C11orf65: variants seen among roughly 807,000 people sequenced by gnomAD.
C11orf65 encodes protein MFI.
Under a neutral mutation model 35.3 loss-of-function variants are expected in C11orf65, and 38 were observed. The ratio of observed to expected loss-of-function variants is 1.08; its 90% CI spans 0.83 to 1.41. The LOEUF (loss-of-function observed/expected upper bound fraction) is 1.41. Ranked by LOEUF, C11orf65 falls within the 40% of genes most tolerant of loss-of-function variation. C11orf65 has a pLI of 0.00. For missense variants in C11orf65, 370 were observed against 367.1 expected, an observed-to-expected ratio of 1.01 and a Z score of -0.06; for synonymous variants, 105 against 114.4, an observed-to-expected ratio of 0.92 and a Z score of 0.53.
At chr11:108,308,874 C>T in exon 7 of C11orf65, 2 of 693,898 alleles carry the variant, frequency 2.9e-6, no homozygotes, top group South Asian at 1.7e-5. Flanking sequence ...ACCAGATTAT[C>T]TTCTGAGGAG....
chr11:108,407,061 T>G, intron 4 of C11orf65, 35 bp downstream of exon 4: 3 of 1,590,234 alleles, frequency 1.9e-6, no homozygotes, highest in Non-Finnish European at 1.7e-6. Context: ...AAAATGTGCT[T>G]TATAACTACT....
intron 2 of C11orf65, among the ~76,000 whole-genome samples, chr11:108,356,371 A>G (rs1186261188): frequency 6.6e-6 from 1 of 152,044 alleles, no homozygotes; most frequent in Non-Finnish European, 1.5e-5. Context: ...CCCCGTCTCT[A>G]ATAAAAATGC....
rs369302836 is a variant in C11orf65 at position 108,433,299 on chromosome 11, C to T, written c.82-1461G>A. On this transcript the variant is annotated intron_variant, in intron 2 of 8. Transcript: ENST00000393084. ...GATATATATAGATATATATATATGC[C>T]GGGCTCAGTGGCTCACGCCTATAAT... Among the ~76,000 whole-genome samples the T allele has an allele frequency of 4.6e-4, 69 of 149,668 alleles. 2 individuals are homozygous for T. In the East Asian group the frequency reaches 0.012, roughly 26 times the overall value.
At chr11:108,377,367 C>T (rs1363179520) in intron 2 of C11orf65, among the ~76,000 whole-genome samples, 1 of 152,070 alleles carries the variant, frequency 6.6e-6, no homozygotes, top group Non-Finnish European at 1.5e-5. Flanking sequence ...TAAACAGAAC[C>T]AAAGACAAAA....
chr11:108,347,436 C>A, intron 2 of C11orf65: 2 of 1,241,116 alleles, frequency 1.6e-6, no homozygotes, highest in Non-Finnish European at 2.3e-6. Context: ...TGTTTGCCTA[C>A]CAAGATATTA....
At chr11:108,433,610 A>AAAACAAAAC (rs1298143449) in intron 2 of C11orf65, among the ~76,000 whole-genome samples, 1 of 151,936 alleles carries the variant, frequency 6.6e-6, no homozygotes, top group Non-Finnish European at 1.5e-5. Context: ...AAAACAAAAC[A>AAAACAAAAC]AAAAAAGTAC....
At chr11:108,331,602 A>G (rs756966067) in intron 3 of C11orf65, 4 of 1,480,056 alleles carry the variant, frequency 2.7e-6, no homozygotes, top group Middle Eastern at 2.4e-4. Flanking sequence ...TTTTTATTCT[A>G]TTATTACTAT....
At chr11:108,445,420 G>A (rs192871199) in intron 2 of C11orf65, among the ~76,000 whole-genome samples, 106 of 152,192 alleles carry the variant, frequency 7.0e-4, no homozygotes, top group African/African-American at 2.5e-3. Flanking sequence ...CCAGAGGAAC[G>A]ATCAGGCAGC....
At chr11:108,349,856 C>A (rs895048900) in intron 2 of C11orf65, among the ~76,000 whole-genome samples, 1 of 152,054 alleles carries the variant, frequency 6.6e-6, no homozygotes, top group African/African-American at 2.4e-5. Context: ...TCATAAAGTA[C>A]GTGAGTCTGA....
chr11:108,422,193 G>C (rs2092828612), intron 3 of C11orf65, among the ~76,000 whole-genome samples: 1 of 152,160 alleles, frequency 6.6e-6, no homozygotes. Context: ...CTCCCAAAGT[G>C]CTGGGATTAC....
At chr11:108,453,731 G>A (rs2093379991) in intron 2 of C11orf65, among the ~76,000 whole-genome samples, 1 of 152,124 alleles carries the variant, frequency 6.6e-6, no homozygotes, top group South Asian at 2.1e-4. Context: ...ATTTGTATAT[G>A]TTGAACCACC....
intron 3 of C11orf65, among the ~76,000 whole-genome samples, chr11:108,413,800 A>G (rs1263607367): frequency 1.3e-5 from 2 of 152,178 alleles, no homozygotes; most frequent in African/African-American, 4.8e-5. Flanking sequence ...AAATTAAATA[A>G]CACACTTCTA....
chr11:108,450,602 C>T (rs2093333561), intron 2 of C11orf65, among the ~76,000 whole-genome samples: 1 of 119,998 alleles, frequency 8.3e-6, no homozygotes, highest in Non-Finnish European at 1.6e-5. Flanking sequence ...GGAAGGGGAA[C>T]ATCACACTCC....
At chr11:108,462,801 A>C (rs1184184344) in intron 1 of C11orf65, among the ~76,000 whole-genome samples, 1 of 152,246 alleles carries the variant, frequency 6.6e-6, no homozygotes, top group Non-Finnish European at 1.5e-5. Flanking sequence ...ATCATAATCC[A>C]AAGTGAACAA....
At chr11:108,323,816 T>G (rs1385069839) in intron 6 of C11orf65, among the ~76,000 whole-genome samples, 6 of 152,132 alleles carry the variant, frequency 3.9e-5, no homozygotes, top group Admixed American at 3.9e-4. Context: ...ATGCTTATGC[T>G]CTCAGATTAC....
intron 6 of C11orf65, among the ~76,000 whole-genome samples, chr11:108,313,264 T>A (rs1196566182): frequency 6.6e-6 from 1 of 152,216 alleles, no homozygotes; most frequent in African/African-American, 2.4e-5. Context: ...CTGAACATTT[T>A]AAAACCTCTC....
intron 6 of C11orf65, chr11:108,319,836 A>G: frequency 2.8e-6 from 2 of 717,074 alleles, no homozygotes; most frequent in Non-Finnish European, 4.8e-6. Context: ...CTAGAAATGC[A>G]TTTTTTAGAA....
chr11:108,366,450 A>G, intron 2 of C11orf65: 1 of 222,590 alleles, frequency 4.5e-6, no homozygotes, highest in Non-Finnish European at 9.0e-6. Context: ...TACTTGATAG[A>G]CACTGTAATA....
intron 3 of C11orf65, among the ~76,000 whole-genome samples, chr11:108,427,006 C>A (rs1479233933): frequency 1.3e-5 from 2 of 151,966 alleles, no homozygotes; most frequent in Non-Finnish European, 2.9e-5. Context: ...AAAACTGGAC[C>A]CCCCTTCCTT....
Sources: allele counts gnomAD v4.1 joint callset (sites outside exome capture counted in the v4.1 genomes callset), GRCh38; gene constraint gnomAD v4.1.1; transcripts MANE v1.5; gene names NCBI Gene and HGNC (gene_info 2026-07-23, HGNC 2026-07-21).